The following PIP5K1B variants were observed in gnomAD, a reference collection of about 807,000 sequenced individuals.
PIP5K1B encodes phosphatidylinositol-4-phosphate 5-kinase type 1 beta.
A neutral mutation model predicts 67.0 loss-of-function variants in PIP5K1B; 42 were observed. The ratio of observed to expected loss-of-function variants is 0.63; its 90% CI spans 0.49 to 0.81. The LOEUF (loss-of-function observed/expected upper bound fraction) is 0.81, where lower values mean the gene tolerates loss of function less well. Among genes scored for constraint, PIP5K1B ranks in the 30% least tolerant of loss-of-function variants. The probability of loss-of-function intolerance (pLI) is 0.00; values close to 1 mark genes in which losing one functional copy is unlikely to be tolerated. For synonymous variants in PIP5K1B, 214 were observed against 231.4 expected (o/e 0.92, Z 0.68); for missense variants, 459 against 646.3 (o/e 0.71, Z 3.14).
chr9:68,853,900 C>T (rs2132218101), intron 4 of PIP5K1B, among the ~76,000 whole-genome samples: 1 of 152,286 alleles, frequency 6.6e-6, no homozygotes, highest in South Asian at 2.1e-4. Context: ...TACCTCTTTT[C>T]TCCTCCCTCT....
chr9:68,744,947 A>G (rs1829211939), intron 2 of PIP5K1B, among the ~76,000 whole-genome samples: 1 of 152,142 alleles, frequency 6.6e-6, no homozygotes, highest in South Asian at 2.1e-4. Context: ...GGAAGACCCT[A>G]ATATATAGCC....
chr9:68,909,131 G>C (rs1279295479), intron 8 of PIP5K1B, among the ~76,000 whole-genome samples: 1 of 152,170 alleles, frequency 6.6e-6, no homozygotes. Flanking sequence ...AACAGGTATA[G>C]ACGTGCATTT....
chr9:68,921,553 A>G (rs1394844343), intron 11 of PIP5K1B, among the ~76,000 whole-genome samples: 2 of 152,096 alleles, frequency 1.3e-5, no homozygotes, highest in Non-Finnish European at 2.9e-5. Flanking sequence ...TCTTGTACCA[A>G]CCAGGTGCAT....
chr9:68,944,791 T>C (rs1309643690), intron 14 of PIP5K1B, among the ~76,000 whole-genome samples: 1 of 152,192 alleles, frequency 6.6e-6, no homozygotes, highest in African/African-American at 2.4e-5. Context: ...CCCCACAAAT[T>C]GCTTACCACT....
At chr9:68,707,560 G>A in intron 1 of PIP5K1B, 1 of 152,150 alleles carries the variant, frequency 6.6e-6, no homozygotes, top group East Asian at 1.9e-4. Context: ...CATTTATTGT[G>A]GTCTGCATAG....
intron 4 of PIP5K1B, among the ~76,000 whole-genome samples, chr9:68,853,194 G>A (rs1362090790): frequency 6.6e-6 from 1 of 152,118 alleles, no homozygotes; most frequent in Non-Finnish European, 1.5e-5. Flanking sequence ...TGTGATCAGC[G>A]GGACCTGTGA....
At chr9:68,940,290 C>T (rs916457120) in intron 13 of PIP5K1B, among the ~76,000 whole-genome samples, 2 of 152,194 alleles carry the variant, frequency 1.3e-5, no homozygotes, top group Non-Finnish European at 2.9e-5. Context: ...TGTTTATACA[C>T]TTGCCAGTCA....
rs757778062 is a variant in PIP5K1B, at chr9:68,934,943, G to A, written c.1255G>A (p.Ala419Thr). The change falls in exon 13 of 16, where the codon GCC (alanine) becomes ACC (threonine). Residue 419 changes from alanine (A) to threonine (T), a missense_variant. Physicochemically the swap from Ala to Thr is moderately conservative, Grantham distance 58 (BLOSUM62 0). This residue lies in a region of PIP5K1B where 169 missense variants were observed against 171.9 expected (regional missense o/e 0.98). Transcript: ENST00000265382. ...KRCNSIAALKATSQEIVSSIS... is the reference protein window; with the variant it reads ...KRCNSIAALKTTSQEIVSSIS... Reference sequence around the variant, plus strand: ...GTGCAATTCAATCGCCGCCCTAAAGGCCACTTCACAGGAGATTGTGTCCTC... The same window carrying A: ...GTGCAATTCAATCGCCGCCCTAAAGACCACTTCACAGGAGATTGTGTCCTC... The A allele has an allele frequency of 1.2e-5, 20 of 1,613,220 alleles. No individual in the cohort carries two copies. In the East Asian group the frequency reaches 2.0e-4, roughly 16 times the overall value.
chr9:68,717,712 T>C (rs1250037048), intron 1 of PIP5K1B, among the ~76,000 whole-genome samples: 2 of 152,198 alleles, frequency 1.3e-5, no homozygotes, highest in African/African-American at 4.8e-5. Context: ...GATTTTGATA[T>C]GAATTTTGAG....
In PIP5K1B at chr9:68,935,400, G is replaced by A. The variant is rs146744678; in HGVS notation, c.1357+355G>A. Among the ~76,000 whole-genome samples, 617 of 152,228 alleles carry A rather than the reference G, an allele frequency of 4.1e-3. 1 individual carries two copies. Among genetic ancestry groups the A allele is most frequent in the Non-Finnish European group, 6.6e-3 (447 of 68,018 alleles). On this transcript the variant is annotated intron_variant, in intron 13 of 15. Transcript: ENST00000265382. Reference sequence around the variant, plus strand: ...TGAGAATCACTTGAACCCAGGAGGCGGAGGCTGCAATGAGCTGAGATTGCA... The same window carrying A: ...TGAGAATCACTTGAACCCAGGAGGCAGAGGCTGCAATGAGCTGAGATTGCA...
chr9:68,918,725 A>G (rs1245527470), intron 9 of PIP5K1B, among the ~76,000 whole-genome samples: 1 of 152,234 alleles, frequency 6.6e-6, no homozygotes, highest in Non-Finnish European at 1.5e-5. Context: ...AACCATGGGC[A>G]TATTTCATTT....
At chr9:68,983,461 T>G (rs192501248) in intron 14 of PIP5K1B, among the ~76,000 whole-genome samples, 21 of 150,036 alleles carry the variant, frequency 1.4e-4, no homozygotes, top group Middle Eastern at 3.4e-3. Context: ...TGTGTGTGTG[T>G]TTTTTTTTTC....
chr9:68,961,724 G>A (rs10124169), intron 14 of PIP5K1B, among the ~76,000 whole-genome samples: 41,724 of 152,070 alleles, frequency 0.27, 6,624 homozygotes, highest in East Asian at 0.52. Flanking sequence ...GAATCTGGCA[G>A]GCTAGTACCC....
chr9:69,003,827 C>T (rs74509735), intron 15 of PIP5K1B, among the ~76,000 whole-genome samples: 2,887 of 152,250 alleles, frequency 0.019, 84 homozygotes, highest in African/African-American at 0.067. Flanking sequence ...TTGGGAAGCC[C>T]TCCTGGGAGT....
intron 2 of PIP5K1B, among the ~76,000 whole-genome samples, chr9:68,759,152 G>T (rs1372186961): frequency 6.6e-6 from 1 of 152,084 alleles, no homozygotes; most frequent in Non-Finnish European, 1.5e-5. Flanking sequence ...TGGAATGAAG[G>T]CAGAAAAATA....
chr9:68,927,078 G>A (rs923376301), intron 12 of PIP5K1B, among the ~76,000 whole-genome samples: 3 of 151,994 alleles, frequency 2.0e-5, no homozygotes, highest in Admixed American at 1.3e-4. Flanking sequence ...TATTTTTGAG[G>A]TTTATCTGTA....
At chr9:68,810,939 A>G (rs542314465) in intron 2 of PIP5K1B, among the ~76,000 whole-genome samples, 1 of 152,334 alleles carries the variant, frequency 6.6e-6, no homozygotes, top group South Asian at 2.1e-4. Context: ...AAAACAAGTA[A>G]AAGAGAGAGG....
intron 13 of PIP5K1B, 134 bp from the exon 14 acceptor site, chr9:68,940,512 G>T: frequency 1.3e-6 from 1 of 746,618 alleles, no homozygotes; most frequent in Non-Finnish European, 2.1e-6. Flanking sequence ...GAAAAAAAAA[G>T]TGCAGTTAAT....
At chr9:68,996,607 C>A (rs1476472463) in intron 15 of PIP5K1B, among the ~76,000 whole-genome samples, 1 of 152,158 alleles carries the variant, frequency 6.6e-6, no homozygotes, top group Non-Finnish European at 1.5e-5. Flanking sequence ...TGTAAATAGT[C>A]CCAGATATTC....
Sources: allele counts gnomAD v4.1 joint callset (sites outside exome capture counted in the v4.1 genomes callset), GRCh38; gene constraint gnomAD v4.1.1; regional missense constraint gnomAD v4.1.1; transcripts MANE v1.5; gene names NCBI Gene and HGNC (gene_info 2026-07-23, HGNC 2026-07-21).